RBFOX1: variants seen among roughly 807,000 people sequenced by gnomAD.
The protein encoded by RBFOX1 is RNA binding fox-1 homolog 1.
A neutral mutation model predicts 57.7 loss-of-function variants in RBFOX1; 8 were observed. That is an observed-to-expected ratio of 0.14 (90% CI 0.08 to 0.25). The LOEUF (loss-of-function observed/expected upper bound fraction) is 0.25, where lower values mean the gene tolerates loss of function less well. Ranked by LOEUF, RBFOX1 falls within the 10% of genes least tolerant of loss-of-function variation. RBFOX1 has a pLI of 1.00. For synonymous variants in RBFOX1, 326 were observed against 222.4 expected, an observed-to-expected ratio of 1.47 and a Z score of -4.15; for missense variants, 611 against 548.5, an observed-to-expected ratio of 1.11 and a Z score of -1.14.
At chr16:6,652,835 A>G (rs1409274739) in intron 2 of RBFOX1, among the ~76,000 whole-genome samples, 1 of 152,118 alleles carries the variant, frequency 6.6e-6, no homozygotes, top group Admixed American at 6.6e-5. Flanking sequence ...GAGGGTGGTG[A>G]TGGTTGCACA....
intron 2 of RBFOX1, among the ~76,000 whole-genome samples, chr16:6,550,000 C>G (rs1038234820): frequency 6.6e-6 from 1 of 152,096 alleles, no homozygotes; most frequent in African/African-American, 2.4e-5. Context: ...TGAACATTGT[C>G]TAAGAGGGGT....
chr16:7,681,260 G>C lies in RBFOX1; in HGVS notation c.995+4422G>C, dbSNP rs115735531. ...GTAGATGGATAGATGGAGATAAATC[G>C]ATACATAGGTGGGTGGATGAATGGA... On this transcript the variant is annotated intron_variant, in intron 14 of 15. Coordinates refer to ENST00000550418, the MANE Select transcript of RBFOX1 (RefSeq NM_018723.4). Among the ~76,000 whole-genome samples the C allele has an allele frequency of 4.4e-3, 670 of 152,238 alleles. 4 individuals are homozygous for C. Among genetic ancestry groups the C allele is most frequent in the African/African-American group, 0.016 (651 of 41,552 alleles).
intron 4 of RBFOX1, among the ~76,000 whole-genome samples, chr16:5,921,177 A>G (rs1340787734): frequency 6.6e-6 from 1 of 152,202 alleles, no homozygotes; most frequent in East Asian, 1.9e-4. Context: ...AAGCAGTGGA[A>G]TTTGGGAGAA....
At chr16:7,381,342 G>T (rs1458710885) in intron 4 of RBFOX1, among the ~76,000 whole-genome samples, 1 of 152,130 alleles carries the variant, frequency 6.6e-6, no homozygotes, top group Non-Finnish European at 1.5e-5. Flanking sequence ...GTGGGAAAAG[G>T]TATAGTACTA....
chr16:6,558,053 C>G (rs1162897306), intron 2 of RBFOX1, among the ~76,000 whole-genome samples: 1 of 152,106 alleles, frequency 6.6e-6, no homozygotes, highest in Admixed American at 6.6e-5. Context: ...AAATTAGGCT[C>G]TTTTTTAAGG....
chr16:7,352,618 TCC>T (rs2097148405), intron 4 of RBFOX1, among the ~76,000 whole-genome samples: 1 of 152,106 alleles, frequency 6.6e-6, no homozygotes, highest in Non-Finnish European at 1.5e-5. Context: ...TCGCTATATT[TCC>T]CATGTAGTTC....
chr16:5,486,470 G>A (rs2042631383), intron 2 of RBFOX1, among the ~76,000 whole-genome samples: 1 of 152,178 alleles, frequency 6.6e-6, no homozygotes, highest in African/African-American at 2.4e-5. Flanking sequence ...TTTTGAGTGT[G>A]GACTCCTTGG....
At chr16:7,550,013 T>C (rs983704759) in intron 5 of RBFOX1, among the ~76,000 whole-genome samples, 3 of 152,152 alleles carry the variant, frequency 2.0e-5, no homozygotes, top group African/African-American at 7.2e-5. Flanking sequence ...CACTGCAGCC[T>C]TGTCCTCCTG....
At chr16:6,607,075 C>G (rs147425487) in intron 2 of RBFOX1, among the ~76,000 whole-genome samples, 120 of 152,216 alleles carry the variant, frequency 7.9e-4, no homozygotes, top group African/African-American at 2.7e-3. Flanking sequence ...TTTAATATAC[C>G]TGAGGCTGCT....
chr16:7,408,928 T>C (rs962747809), intron 4 of RBFOX1, among the ~76,000 whole-genome samples: 1 of 152,202 alleles, frequency 6.6e-6, no homozygotes, highest in African/African-American at 2.4e-5. Context: ...GCACCTTTCA[T>C]GTAAATCATT....
At chr16:6,799,755 A>G (rs2084928666) in intron 3 of RBFOX1, among the ~76,000 whole-genome samples, 1 of 152,052 alleles carries the variant, frequency 6.6e-6, no homozygotes. Context: ...ATCAGCCTCC[A>G]GGTTCTTTAG....
intron 3 of RBFOX1, among the ~76,000 whole-genome samples, chr16:6,897,920 A>T (rs998311967): frequency 3.9e-5 from 6 of 152,208 alleles, no homozygotes; most frequent in Non-Finnish European, 8.8e-5. Context: ...TGTCTCAGAC[A>T]CGAGCTACCC....
chr16:7,072,335 C>G (rs75816941), intron 4 of RBFOX1, among the ~76,000 whole-genome samples: 2,225 of 152,250 alleles, frequency 0.015, 61 homozygotes, highest in African/African-American at 0.051. Flanking sequence ...ACCTTCCTTA[C>G]GCTTACCCAC....
At chr16:7,071,618 T>TG (rs2057357796) in intron 4 of RBFOX1, among the ~76,000 whole-genome samples, 7 of 148,104 alleles carry the variant, frequency 4.7e-5, no homozygotes, top group African/African-American at 1.8e-4. Flanking sequence ...TGTGTGTGTG[T>TG]TTGTCTGTAT....
At chr16:7,074,683 C>G (rs1223326712) in intron 4 of RBFOX1, among the ~76,000 whole-genome samples, 1 of 152,010 alleles carries the variant, frequency 6.6e-6, no homozygotes, top group East Asian at 1.9e-4. Flanking sequence ...CTAAGATTTT[C>G]CAAATTTGGT....
At chr16:5,949,692 T>G (rs186423451) in intron 4 of RBFOX1, among the ~76,000 whole-genome samples, 67 of 152,302 alleles carry the variant, frequency 4.4e-4, no homozygotes, top group African/African-American at 1.5e-3. Flanking sequence ...GCCATTTGTT[T>G]TGTAGAACAG....
chr16:5,903,534 A>C (rs2058362960), intron 4 of RBFOX1, among the ~76,000 whole-genome samples: 3 of 152,310 alleles, frequency 2.0e-5, no homozygotes, highest in African/African-American at 7.2e-5. Flanking sequence ...GAGGATGATA[A>C]GTGGATAGAA....
chr16:7,090,757 G>A (rs956758448), intron 4 of RBFOX1, among the ~76,000 whole-genome samples: 1 of 152,174 alleles, frequency 6.6e-6, no homozygotes. Context: ...GCCACGGTAG[G>A]AGGGGGAAAC....
At chr16:6,939,516 T>C (rs2077976791) in intron 3 of RBFOX1, among the ~76,000 whole-genome samples, 1 of 151,690 alleles carries the variant, frequency 6.6e-6, no homozygotes, top group South Asian at 2.1e-4. Context: ...CTTTTTTTTT[T>C]TTTCTTTTTT....
Sources: gnomAD v4.1 joint callset for allele counts (sites outside exome capture counted in the v4.1 genomes callset) on GRCh38, gnomAD v4.1.1 for gene constraint, MANE v1.5 for transcripts, NCBI Gene and HGNC (gene_info 2026-07-23, HGNC 2026-07-21) for gene names.